Variants in CNTN4 observed in about 807,000 individuals in gnomAD.
The protein encoded by CNTN4 is contactin-4.
Under a neutral mutation model 122.5 loss-of-function variants are expected in CNTN4, and 77 were observed. The ratio of observed to expected loss-of-function variants is 0.63; its 90% confidence interval spans 0.52 to 0.76. CNTN4 has a LOEUF of 0.76. CNTN4 is among the 30% of genes least tolerant of loss of function. The pLI is 0.00. For synonymous variants in CNTN4, 512 were observed against 447.0 expected, an observed-to-expected ratio of 1.15 and a Z score of -1.83; for missense variants, 1,256 against 1,259.1, an observed-to-expected ratio of 1.00 and a Z score of 0.04.
chr3:2,894,431 C>T (rs1373245425), intron 10 of CNTN4, among the ~76,000 whole-genome samples: 1 of 152,168 alleles, frequency 6.6e-6, no homozygotes, highest in Non-Finnish European at 1.5e-5. Flanking sequence ...GCCTGTGTAC[C>T]ATTGCTAACT....
intron 14 of CNTN4, among the ~76,000 whole-genome samples, chr3:3,021,110 C>A (rs1485628954): frequency 2.6e-5 from 4 of 152,174 alleles, no homozygotes; most frequent in African/African-American, 9.7e-5. Context: ...TACTTAGTAG[C>A]TGATTTTTTA....
chr3:2,382,125 A>G (rs1244536288), intron 3 of CNTN4, among the ~76,000 whole-genome samples: 2 of 151,652 alleles, frequency 1.3e-5, no homozygotes, highest in Admixed American at 6.6e-5. Context: ...AAAACATGGT[A>G]TACACCTTAC....
intron 2 of CNTN4, among the ~76,000 whole-genome samples, chr3:2,232,532 T>C (rs6784119): frequency 0.078 from 11,804 of 152,188 alleles, 793 homozygotes; most frequent in African/African-American, 0.18. Flanking sequence ...TTGGTAGCTA[T>C]TCTGACCAAT....
At chr3:2,843,964 C>T in intron 7 of CNTN4, among the ~76,000 whole-genome samples, 1 of 152,222 alleles carries the variant, frequency 6.6e-6, no homozygotes, top group East Asian at 1.9e-4. Flanking sequence ...AAACCTCTCA[C>T]CTTGGCCAGA....
At chr3:2,561,792 C>G (rs564832919) in intron 3 of CNTN4, among the ~76,000 whole-genome samples, 3 of 152,184 alleles carry the variant, frequency 2.0e-5, no homozygotes, top group Non-Finnish European at 4.4e-5. Context: ...AGCCAATGAT[C>G]TCATTGCCAT....
At chr3:2,129,396 A>T (rs1264231274) in intron 2 of CNTN4, among the ~76,000 whole-genome samples, 1 of 144,628 alleles carries the variant, frequency 6.9e-6, no homozygotes, top group East Asian at 2.8e-4. Context: ...GTAGTTTTGC[A>T]TGGTGCAGGG....
At chr3:2,723,771 C>T (rs2088019761) in intron 4 of CNTN4, among the ~76,000 whole-genome samples, 1 of 152,192 alleles carries the variant, frequency 6.6e-6, no homozygotes, top group African/African-American at 2.4e-5. Context: ...ACCAGAATCT[C>T]ATGTGTTACT....
chr3:2,843,597 T>C (rs1210638036), intron 7 of CNTN4, among the ~76,000 whole-genome samples: 9 of 152,176 alleles, frequency 5.9e-5, no homozygotes, highest in African/African-American at 1.7e-4. Context: ...CTCAGTGCCG[T>C]CCTCACAACA....
intron 3 of CNTN4, among the ~76,000 whole-genome samples, chr3:2,564,268 T>C (rs181747138): frequency 3.2e-4 from 49 of 152,260 alleles, no homozygotes; most frequent in Admixed American, 1.3e-3. Flanking sequence ...AAGTAAAAGT[T>C]AAATAAAACT....
chr3:2,826,233 A>T (rs1385272171), intron 7 of CNTN4, among the ~76,000 whole-genome samples: 1 of 152,156 alleles, frequency 6.6e-6, no homozygotes. Context: ...GGTCAATTAA[A>T]TCTGAGTTTC....
intron 12 of CNTN4, among the ~76,000 whole-genome samples, chr3:2,915,270 T>C (rs2094341195): frequency 6.6e-6 from 1 of 152,172 alleles, no homozygotes; most frequent in Non-Finnish European, 1.5e-5. Flanking sequence ...TTCACCATGT[T>C]GGCCAGGCTG....
chr3:2,756,123 G>A (rs2090326114), intron 6 of CNTN4, among the ~76,000 whole-genome samples: 1 of 152,160 alleles, frequency 6.6e-6, no homozygotes, highest in Non-Finnish European at 1.5e-5. Context: ...AGAGGTTATG[G>A]TGCTGTAGTA....
At chr3:2,515,442 T>G (rs1189764103) in intron 3 of CNTN4, among the ~76,000 whole-genome samples, 3 of 152,182 alleles carry the variant, frequency 2.0e-5, no homozygotes, top group Non-Finnish European at 4.4e-5. Flanking sequence ...GAAAATATGT[T>G]CATCGAATGA....
chr3:2,362,498 C>A, intron 3 of CNTN4: 1 of 525,676 alleles, frequency 1.9e-6, no homozygotes. Context: ...CCTGAGGTGG[C>A]TCCATAGGCT....
intron 3 of CNTN4, among the ~76,000 whole-genome samples, chr3:2,391,884 G>A (rs1320182935): frequency 6.6e-6 from 1 of 152,156 alleles, no homozygotes; most frequent in African/African-American, 2.4e-5. Flanking sequence ...AAAAGTGGTA[G>A]TGAAGCTTCT....
intron 3 of CNTN4, among the ~76,000 whole-genome samples, chr3:2,451,738 T>C (rs1279175609): frequency 6.6e-6 from 1 of 152,200 alleles, no homozygotes; most frequent in Admixed American, 6.5e-5. Flanking sequence ...TCCATTTTCA[T>C]GGTCCCTTCA....
intron 3 of CNTN4, among the ~76,000 whole-genome samples, chr3:2,530,309 CT>C (rs1206246281): frequency 0.017 from 2,289 of 134,622 alleles, 17 homozygotes; most frequent in African/African-American, 0.041. Context: ...TTCTCCTCTT[CT>C]TTTTTTTTTT....
chr3:2,672,301 G>A (rs2084571364), intron 4 of CNTN4, among the ~76,000 whole-genome samples: 2 of 152,162 alleles, frequency 1.3e-5, no homozygotes, highest in Admixed American at 1.3e-4. Context: ...ACCTACTCAA[G>A]CCTCAGCAAT....
chr3:2,143,741 T>C (rs975344164), intron 2 of CNTN4, among the ~76,000 whole-genome samples: 1 of 152,220 alleles, frequency 6.6e-6, no homozygotes, highest in Non-Finnish European at 1.5e-5. Flanking sequence ...AGTTAAATGA[T>C]TGCCCAGGAT....
Sources: gnomAD v4.1 joint callset for allele counts (sites outside exome capture counted in the v4.1 genomes callset) on GRCh38, gnomAD v4.1.1 for gene constraint, MANE v1.5 for transcripts, NCBI Gene and HGNC (gene_info 2026-07-23, HGNC 2026-07-21) for gene names.